The following TECPR2 variants were observed in gnomAD, a reference collection of about 807,000 sequenced individuals.
TECPR2 encodes the protein tectonin beta-propeller repeat containing 2, also known as tectonin beta-propeller repeat-containing protein 2.
Under a neutral mutation model 138.1 loss-of-function variants are expected in TECPR2, and 65 were observed. The ratio of observed to expected loss-of-function variants is 0.47; its 90% CI spans 0.39 to 0.58. The LOEUF is 0.58. Ranked by LOEUF, TECPR2 falls within the 20% of genes least tolerant of loss-of-function variation. TECPR2 has a pLI of 0.00. For synonymous variants in TECPR2, 746 were observed against 749.8 expected, an observed-to-expected ratio of 0.99 and a Z score of 0.08; for missense variants, 1,553 against 1,824.5, an observed-to-expected ratio of 0.85 and a Z score of 2.71.
At chr14:102,392,166 A>G (rs1223469974) in intron 2 of TECPR2, among the ~76,000 whole-genome samples, 1 of 151,518 alleles carries the variant, frequency 6.6e-6, no homozygotes, top group Non-Finnish European at 1.5e-5. Flanking sequence ...TTTTTTTTGT[A>G]TTTTTAGTAG....
At chr14:102,363,860 A>G (rs1478187335) in intron 1 of TECPR2, among the ~76,000 whole-genome samples, 2 of 152,156 alleles carry the variant, frequency 1.3e-5, no homozygotes, top group African/African-American at 4.8e-5. Flanking sequence ...GCCGCTGTAC[A>G]TTTCAGTAAA....
chr14:102,460,613 CA>C (rs143550871), intron 16 of TECPR2, among the ~76,000 whole-genome samples: 32,772 of 125,766 alleles, frequency 0.26, 4,089 homozygotes, highest in Middle Eastern at 0.36. Context: ...GACTCTGTCT[CA>C]AAAAAAAAAA....
Position 102,443,383 on chromosome 14 carries a change from G to C in TECPR2, c.2753-264G>C, listed in dbSNP as rs902870338. ...AACAAAAAAGCGGCCGGACAGGGCA[G>C]CTCCTGCCTGTAATCCCAGCACTTT... On this transcript the variant is annotated intron_variant, in intron 11 of 19. Transcript: ENST00000359520. The surrounding 1 kb of genome is among the most constrained non-coding windows in gnomAD (Gnocchi z 4.9). 6.6e-6 allele frequency among the ~76,000 whole-genome samples: 1 copy of C among 152,214 alleles called. No individual in the cohort carries two copies.
intron 16 of TECPR2, among the ~76,000 whole-genome samples, chr14:102,460,990 C>T (rs1476382194): frequency 1.3e-5 from 2 of 152,052 alleles, no homozygotes; most frequent in Non-Finnish European, 2.9e-5. Context: ...CCACTGCGCC[C>T]AGCCTCAATT....
intron 13 of TECPR2, among the ~76,000 whole-genome samples, chr14:102,447,609 A>G (rs1385627612): frequency 6.6e-6 from 1 of 151,882 alleles, no homozygotes; most frequent in Non-Finnish European, 1.5e-5. Context: ...ATCTCGGCTC[A>G]CTGCAACCTC....
intron 2 of TECPR2, among the ~76,000 whole-genome samples, chr14:102,388,640 A>G (rs1200198596): frequency 6.6e-6 from 1 of 151,754 alleles, no homozygotes; most frequent in Non-Finnish European, 1.5e-5. Flanking sequence ...CATCCTGGCT[A>G]ACATGGTGAA....
At chr14:102,471,364 AC>A (rs540584703) in intron 17 of TECPR2, among the ~76,000 whole-genome samples, 32 of 152,226 alleles carry the variant, frequency 2.1e-4, no homozygotes, top group African/African-American at 7.5e-4. Flanking sequence ...CTTCTGTAAT[AC>A]TTTTTATTTC....
At chr14:102,495,801 C>A (rs1487430930) in intron 17 of TECPR2, among the ~76,000 whole-genome samples, 1 of 152,202 alleles carries the variant, frequency 6.6e-6, no homozygotes, top group Non-Finnish European at 1.5e-5. Flanking sequence ...GGAGGCATTT[C>A]ATACATGCGT....
chr14:102,416,659 T>C (rs1889032717), intron 5 of TECPR2, among the ~76,000 whole-genome samples: 1 of 152,234 alleles, frequency 6.6e-6, no homozygotes, highest in African/African-American at 2.4e-5. Context: ...TTACTTTACA[T>C]GTGGGTCCTA....
chr14:102,381,473 C>G (rs574146617), intron 2 of TECPR2, among the ~76,000 whole-genome samples: 3 of 152,288 alleles, frequency 2.0e-5, no homozygotes, highest in Admixed American at 1.3e-4. Flanking sequence ...ACTGAGAAAG[C>G]TGAGGCATGA....
chr14:102,369,107 G>A (rs1349264778), intron 1 of TECPR2, among the ~76,000 whole-genome samples: 1 of 152,042 alleles, frequency 6.6e-6, no homozygotes, highest in Non-Finnish European at 1.5e-5. Context: ...CCAAGGAGAT[G>A]GTCAGGGATT....
chr14:102,442,185 G>A (rs1397522468), intron 11 of TECPR2, among the ~76,000 whole-genome samples: 1 of 152,170 alleles, frequency 6.6e-6, no homozygotes, highest in Non-Finnish European at 1.5e-5. Context: ...CACTATGTTG[G>A]CCAGTCTGGT....
intron 17 of TECPR2, among the ~76,000 whole-genome samples, chr14:102,480,217 T>TA (rs1055863927): frequency 2.9e-4 from 21 of 73,360 alleles, no homozygotes; most frequent in Non-Finnish European, 4.9e-4. Flanking sequence ...GTTGGTTTTT[T>TA]TTTTTTTTTT....
chr14:102,468,719 T>C (rs1340976941), intron 17 of TECPR2, among the ~76,000 whole-genome samples: 1 of 152,242 alleles, frequency 6.6e-6, no homozygotes, highest in Non-Finnish European at 1.5e-5. Context: ...CTATGTTTTC[T>C]TCTAGCAGTT....
At chr14:102,367,323 A>G (rs1274375917) in intron 1 of TECPR2, among the ~76,000 whole-genome samples, 3 of 152,164 alleles carry the variant, frequency 2.0e-5, no homozygotes, top group Non-Finnish European at 4.4e-5. Context: ...TTTTTACTGT[A>G]TTCACAGCTA....
chr14:102,389,513 G>C (rs191017374), intron 2 of TECPR2, among the ~76,000 whole-genome samples: 171 of 152,288 alleles, frequency 1.1e-3, no homozygotes, highest in Non-Finnish European at 1.7e-3. Flanking sequence ...TAGATCACTG[G>C]AACAGATTAG....
Position 102,363,063 on chromosome 14 carries a change from C to T in TECPR2, c.-126C>T, listed in dbSNP as rs1887222019. ...GCAGCCCCCGCGGCCCGGAGTCCAT[C>T]CCGCCTCCTCCGGCCCGGCGGGGCC... On this transcript the variant is annotated 5_prime_UTR_variant, in exon 1 of 20. Transcript: ENST00000359520. 3 of 535,016 alleles carry T rather than the reference C, an allele frequency of 5.6e-6. No individual in the cohort carries two copies. 33.1% of individuals were successfully genotyped at this position (535,016 alleles called of 1,614,324 possible). A position where few individuals can be genotyped will look rare whatever the true frequency, so the allele number is the denominator to read the frequency against.
chr14:102,452,986 G>A (rs1890186819), intron 16 of TECPR2, among the ~76,000 whole-genome samples: 1 of 152,326 alleles, frequency 6.6e-6, no homozygotes. Flanking sequence ...AAGCTGAAAA[G>A]ATGGGTGTTC....
intron 16 of TECPR2, among the ~76,000 whole-genome samples, chr14:102,463,555 T>C (rs1030544554): frequency 8.8e-5 from 13 of 148,464 alleles, no homozygotes; most frequent in African/African-American, 3.0e-4. Context: ...AAGCAGTCAG[T>C]TCAGCAGTTA....
Sources: gnomAD v4.1 joint callset for allele counts (sites outside exome capture counted in the v4.1 genomes callset) on GRCh38, gnomAD v4.1.1 for gene constraint, Gnocchi (gnomAD v3.1) non-coding constraint, MANE v1.5 for transcripts, NCBI Gene and HGNC (gene_info 2026-07-23, HGNC 2026-07-21) for gene names.